The following SHTN1 variants were observed in gnomAD, a reference collection of about 807,000 sequenced individuals.
The protein encoded by SHTN1 is shootin-1.
Under a neutral mutation model 83.1 loss-of-function variants are expected in SHTN1, and 42 were observed. The ratio of observed to expected loss-of-function variants is 0.51; its 90% confidence interval spans 0.39 to 0.65. SHTN1 has a LOEUF of 0.65. Among genes scored for constraint, SHTN1 ranks in the 30% least tolerant of loss-of-function variants. The pLI is 0.00. For missense variants in SHTN1, 622 were observed against 737.8 expected, an observed-to-expected ratio of 0.84 and a Z score of 1.82; for synonymous variants, 224 against 247.7, an observed-to-expected ratio of 0.90 and a Z score of 0.90.
chr10:116,951,672 G>A (rs1484484119), intron 6 of SHTN1, among the ~76,000 whole-genome samples: 3 of 152,202 alleles, frequency 2.0e-5, no homozygotes, highest in Admixed American at 1.3e-4. Flanking sequence ...GGAACAACAG[G>A]AAACATGTCC....
At chr10:116,919,440 G>A (rs1028333197) in intron 12 of SHTN1, among the ~76,000 whole-genome samples, 1 of 152,122 alleles carries the variant, frequency 6.6e-6, no homozygotes, top group Non-Finnish European at 1.5e-5. Context: ...GTAGCCCAAG[G>A]ATGTGGGAGA....
intron 2 of SHTN1, among the ~76,000 whole-genome samples, chr10:117,013,834 T>C (rs1852141665): frequency 6.6e-6 from 1 of 152,336 alleles, no homozygotes; most frequent in East Asian, 1.9e-4. Context: ...ACAGCTTTAT[T>C]AATAATCACC....
At chr10:117,066,753 C>T (rs896346124) in intron 1 of SHTN1, among the ~76,000 whole-genome samples, 10 of 152,120 alleles carry the variant, frequency 6.6e-5, no homozygotes, top group African/African-American at 2.2e-4. Context: ...CTAGAAAGAA[C>T]GTGGGACTTA....
chr10:117,105,595 C>T (rs930476481), intron 1 of SHTN1, among the ~76,000 whole-genome samples: 1 of 152,208 alleles, frequency 6.6e-6, no homozygotes, highest in Non-Finnish European at 1.5e-5. Context: ...GTAGGTTTTA[C>T]AAACGTAGTC....
intron 3 of SHTN1, among the ~76,000 whole-genome samples, chr10:116,964,831 A>G (rs1850332842): frequency 6.6e-6 from 1 of 151,992 alleles, no homozygotes; most frequent in Non-Finnish European, 1.5e-5. Flanking sequence ...AAAAATACAA[A>G]GTTAGCTGCC....
intron 1 of SHTN1, among the ~76,000 whole-genome samples, chr10:116,998,782 G>C (rs1334544313): frequency 6.6e-6 from 1 of 152,004 alleles, no homozygotes; most frequent in East Asian, 1.9e-4. Context: ...ATTTCTCCTA[G>C]GAACCCTGTT....
At chr10:116,987,901 G>C (rs1589872369) in intron 1 of SHTN1, among the ~76,000 whole-genome samples, 1 of 149,946 alleles carries the variant, frequency 6.7e-6, no homozygotes, top group East Asian at 2.0e-4. Flanking sequence ...GTAACAGCGA[G>C]ACTCCGTCTC....
chr10:116,993,424 T>G (rs920905299), intron 1 of SHTN1, among the ~76,000 whole-genome samples: 3 of 152,178 alleles, frequency 2.0e-5, no homozygotes, highest in African/African-American at 7.2e-5. Context: ...TAAATTAAAT[T>G]TACTTAAAAC....
chr10:117,013,189 T>C (rs1282486905), intron 2 of SHTN1, among the ~76,000 whole-genome samples: 1 of 152,180 alleles, frequency 6.6e-6, no homozygotes, highest in African/African-American at 2.4e-5. Flanking sequence ...TTTATTTATT[T>C]TTTGAGACTG....
At chr10:117,071,263 A>G (rs1853077620) in intron 1 of SHTN1, among the ~76,000 whole-genome samples, 1 of 152,248 alleles carries the variant, frequency 6.6e-6, no homozygotes, top group Non-Finnish European at 1.5e-5. Context: ...TAATTTTATT[A>G]TATTTGAAAG....
intron 6 of SHTN1, among the ~76,000 whole-genome samples, chr10:116,949,555 A>G (rs1240485354): frequency 6.6e-6 from 1 of 152,254 alleles, no homozygotes; most frequent in Non-Finnish European, 1.5e-5. Context: ...TAGGAGATAT[A>G]CCTAATGTAA....
intron 2 of SHTN1, among the ~76,000 whole-genome samples, chr10:117,025,625 C>T (rs1283435469): frequency 6.6e-6 from 1 of 152,104 alleles, no homozygotes. Context: ...CCAGGCTGCA[C>T]ATCTCAAGGC....
intron 9 of SHTN1, 100 bp downstream of exon 9, chr10:116,940,366 A>G: frequency 1.6e-6 from 2 of 1,217,092 alleles, no homozygotes; most frequent in Admixed American, 2.4e-5. Context: ...ATGAAACAGT[A>G]AATGACTGGA....
At chr10:117,027,521 CAG>C (rs1463576599) in intron 2 of SHTN1, among the ~76,000 whole-genome samples, 3 of 149,868 alleles carry the variant, frequency 2.0e-5, no homozygotes, top group African/African-American at 7.4e-5. Context: ...TCTTTTGAGA[CAG>C]AGTCTCGTTC....
chr10:116,951,963 A>G lies in SHTN1; in HGVS notation c.480T>C (p.Ile160=). Residue 160 remains isoleucine (I), a synonymous_variant, in exon 6 of 17, where the codon ATT becomes ATC. Transcript: ENST00000355371. ...TGAGATTTTCCAGCTCAATGGCTAA[A>G]ATCTTCTTTTCCTCCTGAACAGATA... The part of the protein sequence containing the change: ...QIVSVQEEKK[I]LAIELENLKS... The G allele has an allele frequency of 1.2e-6, 2 of 1,601,058 alleles. No homozygotes were observed. Among genetic ancestry groups the G allele is most frequent in the African/African-American group, 2.7e-5 (2 of 74,824 alleles).
intron 2 of SHTN1, chr10:116,973,764 C>A: frequency 1.3e-6 from 1 of 764,382 alleles, no homozygotes. Flanking sequence ...TAATGCTACA[C>A]CATTTTTCTT....
rs1450958758 is a variant in SHTN1 at position 116,886,400 on chromosome 10, C to T, written c.1840G>A (p.Glu614Lys). The T allele has an allele frequency of 3.8e-6, 6 of 1,579,894 alleles. No individual in the cohort carries two copies. The Admixed American group carries it at 7.4e-5, about 20-fold the overall frequency. ...HKEDEGEIQP[E>K]NKEDSIENVR... ...TTTTCAATGCTGTCTTCTTTGTTTT[C>T]TGGTTGAATTTCGCCTTCATCCTCC... Residue 614 changes from glutamate to lysine, a missense_variant, in exon 17 of 17, where the codon GAA (glutamate) becomes AAA (lysine). Coordinates refer to ENST00000355371, the MANE Select transcript of SHTN1 (RefSeq NM_001127211.3).
intron 2 of SHTN1, among the ~76,000 whole-genome samples, chr10:116,971,708 T>C (rs1028682751): frequency 6.6e-6 from 1 of 152,220 alleles, no homozygotes; most frequent in Admixed American, 6.5e-5. Flanking sequence ...GGTGCTTTAC[T>C]TTCAAATTAA....
intron 2 of SHTN1, among the ~76,000 whole-genome samples, chr10:117,011,333 A>G (rs537176999): frequency 1.1e-4 from 17 of 152,304 alleles, no homozygotes; most frequent in South Asian, 4.1e-4. Context: ...ACTTTTCCCA[A>G]TACCACTTGT....
Sources: gnomAD v4.1 joint callset for allele counts (sites outside exome capture counted in the v4.1 genomes callset) on GRCh38, gnomAD v4.1.1 for gene constraint, MANE v1.5 for transcripts, NCBI Gene and HGNC (gene_info 2026-07-23, HGNC 2026-07-21) for gene names.